FANCL: variants seen among roughly 807,000 people sequenced by gnomAD.
FANCL encodes the protein E3 ubiquitin-protein ligase FANCL.
FANCL carries 69 observed loss-of-function variants against 59.4 expected under a neutral mutation model. The observed-to-expected ratio is 1.16, with a 90% confidence interval of 0.96 to 1.42. The LOEUF is 1.42. FANCL is among the 40% of genes most tolerant of loss of function. FANCL has a pLI of 0.00. For synonymous variants in FANCL, 180 were observed against 147.1 expected, an observed-to-expected ratio of 1.22 and a Z score of -1.62; for missense variants, 519 against 447.2, an observed-to-expected ratio of 1.16 and a Z score of -1.45.
chr2:58,191,423 A>G (rs561860658), intron 7 of FANCL, among the ~76,000 whole-genome samples: 95 of 151,940 alleles, frequency 6.3e-4, no homozygotes, highest in Admixed American at 1.6e-3. Context: ...AGTTCATCAA[A>G]GTACTCACAA....
At chr2:58,161,684 T>G (rs767966517) in intron 11 of FANCL, 46 bp from the exon 12 acceptor site, 3 of 1,252,806 alleles carry the variant, frequency 2.4e-6, no homozygotes, top group Admixed American at 3.4e-5. Flanking sequence ...TCTCACTAAC[T>G]TATTCGTTGT....
intron 7 of FANCL, chr2:58,194,155 C>T (rs1166875531): frequency 1.5e-5 from 7 of 468,384 alleles, no homozygotes; most frequent in Non-Finnish European, 2.7e-5. Flanking sequence ...TTTACTACAC[C>T]ACACTGAACC....
intron 7 of FANCL, among the ~76,000 whole-genome samples, chr2:58,181,945 T>C (rs1053069872): frequency 3.3e-5 from 5 of 151,580 alleles, no homozygotes; most frequent in Non-Finnish European, 5.9e-5. Context: ...AATCTTCAAA[T>C]CTATATATTT....
At chr2:58,225,873 A>T (rs561898634) in intron 4 of FANCL, among the ~76,000 whole-genome samples, 2 of 152,100 alleles carry the variant, frequency 1.3e-5, no homozygotes, top group African/African-American at 4.8e-5. Context: ...TAAGTACCTT[A>T]TAAGTCTTAT....
At chr2:58,180,967 G>A (rs1272620279) in intron 7 of FANCL, among the ~76,000 whole-genome samples, 1 of 152,020 alleles carries the variant, frequency 6.6e-6, no homozygotes, top group Non-Finnish European at 1.5e-5. Flanking sequence ...TACTGTCAGT[G>A]CGCATGTAAA....
chr2:58,207,179 C>T (rs1047576091), intron 5 of FANCL, among the ~76,000 whole-genome samples: 3 of 152,102 alleles, frequency 2.0e-5, no homozygotes, highest in Non-Finnish European at 4.4e-5. Flanking sequence ...CCTCTCTTCC[C>T]TCCTCTTACT....
At chr2:58,236,295 C>A (rs1272401345) in intron 1 of FANCL, among the ~76,000 whole-genome samples, 1 of 151,734 alleles carries the variant, frequency 6.6e-6, no homozygotes, top group Non-Finnish European at 1.5e-5. Flanking sequence ...GCAGAGATTT[C>A]TCGTAGAAAA....
At chr2:58,184,706 A>G (rs1334965670) in intron 7 of FANCL, among the ~76,000 whole-genome samples, 3 of 152,144 alleles carry the variant, frequency 2.0e-5, no homozygotes, top group Non-Finnish European at 2.9e-5. Flanking sequence ...ACTGTCTTAT[A>G]GGAAGAAAAG....
chr2:58,194,847 A>G (rs887538256), intron 7 of FANCL, among the ~76,000 whole-genome samples: 3 of 151,602 alleles, frequency 2.0e-5, no homozygotes, highest in East Asian at 3.9e-4. Flanking sequence ...AACATTATCA[A>G]CCCAGCAGGA....
chr2:58,217,213 TATACACACACACACAC>T (rs1558807252), intron 5 of FANCL, among the ~76,000 whole-genome samples: 2 of 7,734 alleles, frequency 2.6e-4, no homozygotes, highest in Non-Finnish European at 4.8e-4. Context: ...TATATATATA[TATACACACACACACAC>T]ACACACACAC....
intron 7 of FANCL, among the ~76,000 whole-genome samples, chr2:58,176,949 C>T (rs1160778488): frequency 6.6e-6 from 1 of 152,056 alleles, no homozygotes; most frequent in Non-Finnish European, 1.5e-5. Flanking sequence ...AAACAAACAA[C>T]CCCATCAAAA....
At chr2:58,186,873 T>C (rs187710930) in intron 7 of FANCL, among the ~76,000 whole-genome samples, 35 of 152,250 alleles carry the variant, frequency 2.3e-4, no homozygotes, top group African/African-American at 7.5e-4. Flanking sequence ...TGAGATATCA[T>C]CTCACACCAG....
At chr2:58,199,688 T>C (rs1200332537) in intron 6 of FANCL, among the ~76,000 whole-genome samples, 1 of 152,144 alleles carries the variant, frequency 6.6e-6, no homozygotes, top group African/African-American at 2.4e-5. Context: ...TATTAGAGAA[T>C]CATACTTAAT....
At chr2:58,193,956 T>C (rs1689182508) in intron 7 of FANCL, among the ~76,000 whole-genome samples, 1 of 152,104 alleles carries the variant, frequency 6.6e-6, no homozygotes, top group African/African-American at 2.4e-5. Flanking sequence ...ACCCAAATGC[T>C]AGTATACTGC....
chr2:58,169,094 C>T (rs1686260581), intron 7 of FANCL, among the ~76,000 whole-genome samples: 1 of 152,188 alleles, frequency 6.6e-6, no homozygotes, highest in African/African-American at 2.4e-5. Context: ...AACACTCGAG[C>T]TCTGCTAAGG....
chr2:58,194,334 T>C, intron 7 of FANCL: 1 of 470,094 alleles, frequency 2.1e-6, no homozygotes, highest in South Asian at 1.5e-5. Context: ...AAATCTGACA[T>C]TTAGGCATTC....
chr2:58,172,058 C>T (rs936831021), intron 7 of FANCL, among the ~76,000 whole-genome samples: 7 of 152,258 alleles, frequency 4.6e-5, no homozygotes, highest in African/African-American at 1.7e-4. Flanking sequence ...GGGGCGCCCG[C>T]CATTGCCCAG....
At chr2:58,185,012 G>A (rs1200799151) in intron 7 of FANCL, among the ~76,000 whole-genome samples, 2 of 152,092 alleles carry the variant, frequency 1.3e-5, no homozygotes, top group Non-Finnish European at 2.9e-5. Context: ...GGGTAGGACT[G>A]CAGGAGAAAA....
intron 7 of FANCL, among the ~76,000 whole-genome samples, chr2:58,177,941 A>G (rs1687522498): frequency 6.6e-6 from 1 of 152,148 alleles, no homozygotes; most frequent in South Asian, 2.1e-4. Context: ...ACAAACTACT[A>G]TCACAGAATG....
Sources: allele counts gnomAD v4.1 joint callset (sites outside exome capture counted in the v4.1 genomes callset), GRCh38; gene constraint gnomAD v4.1.1; transcripts MANE v1.5; gene names NCBI Gene and HGNC (gene_info 2026-07-23, HGNC 2026-07-21).